The following CLDN10 variants were observed in gnomAD, a reference collection of about 807,000 sequenced individuals.
CLDN10 encodes claudin-10.
In CLDN10, 15 loss-of-function variants were observed where a neutral mutation model predicts 22.9. The ratio of observed to expected loss-of-function variants is 0.65; its 90% CI spans 0.44 to 1.01. The LOEUF (loss-of-function observed/expected upper bound fraction) is 1.01. Among genes scored for constraint, CLDN10 ranks in the 50% least tolerant of loss-of-function variants. CLDN10 has a pLI of 0.00. For synonymous variants in CLDN10, 114 were observed against 111.4 expected (o/e 1.02, Z -0.15); for missense variants, 247 against 287.8 (o/e 0.86, Z 1.03).
intron 1 of CLDN10, 31 bp downstream of exon 1, chr13:95,553,004 C>T (rs374294567): frequency 1.9e-6 from 3 of 1,610,220 alleles, no homozygotes; most frequent in African/African-American, 2.7e-5. Context: ...CGCCCTCAGC[C>T]CTCCTTCCTT....
chr13:95,471,745 C>G (rs1009820435), intron 1 of CLDN10, among the ~76,000 whole-genome samples: 1 of 151,822 alleles, frequency 6.6e-6, no homozygotes, highest in Non-Finnish European at 1.5e-5. Flanking sequence ...AGCCACTGCA[C>G]CTAACCTTTT....
intron 1 of CLDN10, chr13:95,497,236 T>G (rs549884433): frequency 1.7e-4 from 26 of 152,170 alleles, no homozygotes; most frequent in Non-Finnish European, 3.7e-4. Flanking sequence ...GAATGAAACT[T>G]ATTATGTGGC....
intron 1 of CLDN10, among the ~76,000 whole-genome samples, chr13:95,447,077 C>T (rs985201274): frequency 1.1e-4 from 16 of 152,218 alleles, no homozygotes; most frequent in African/African-American, 3.6e-4. Context: ...CTAGTTTATA[C>T]GCACCAAATA....
At chr13:95,436,224 C>T (rs2042270074) in intron 1 of CLDN10, among the ~76,000 whole-genome samples, 1 of 152,080 alleles carries the variant, frequency 6.6e-6, no homozygotes. Flanking sequence ...TGCTTTGTTG[C>T]CAAGGTTGGA....
chr13:95,527,437 A>C (rs887073913), intron 1 of CLDN10, among the ~76,000 whole-genome samples: 3 of 152,200 alleles, frequency 2.0e-5, no homozygotes, highest in Non-Finnish European at 4.4e-5. Context: ...GATATAGAAA[A>C]AACAAAAACA....
intron 1 of CLDN10, among the ~76,000 whole-genome samples, chr13:95,444,268 A>T (rs978525263): frequency 6.6e-6 from 1 of 152,218 alleles, no homozygotes; most frequent in African/African-American, 2.4e-5. Flanking sequence ...TAGGTAATGT[A>T]CATTATAGAA....
intron 1 of CLDN10, among the ~76,000 whole-genome samples, chr13:95,468,219 TTTTGTTTGTTTG>T (rs144985723): frequency 5.3e-5 from 8 of 151,234 alleles, no homozygotes; most frequent in African/African-American, 9.7e-5. Flanking sequence ...TTCTTCCTGT[TTTTGTTTGTTTG>T]TTTGTTTGTT....
At chr13:95,517,042 TTTTC>T (rs1363177442) in intron 1 of CLDN10, among the ~76,000 whole-genome samples, 3 of 149,632 alleles carry the variant, frequency 2.0e-5, no homozygotes, top group Non-Finnish European at 4.4e-5. Flanking sequence ...TCTCTCCCTT[TTTTC>T]TTTCTCTCTC....
chr13:95,469,416 G>A (rs1040104414), intron 1 of CLDN10, among the ~76,000 whole-genome samples: 2 of 152,124 alleles, frequency 1.3e-5, no homozygotes, highest in Non-Finnish European at 2.9e-5. Context: ...GTTATTCAAT[G>A]GGATGAGAGT....
At chr13:95,465,337 G>A (rs2042573338) in intron 1 of CLDN10, among the ~76,000 whole-genome samples, 1 of 152,076 alleles carries the variant, frequency 6.6e-6, no homozygotes, top group African/African-American at 2.4e-5. Flanking sequence ...GATTTGGGTG[G>A]GGACACAGAG....
At chr13:95,448,635 C>T (rs866762129) in intron 1 of CLDN10, among the ~76,000 whole-genome samples, 18 of 152,302 alleles carry the variant, frequency 1.2e-4, no homozygotes, top group Middle Eastern at 3.4e-3. Context: ...TTAGCTCCTG[C>T]CTCCCCAGAT....
At chr13:95,498,388 T>C (rs1307600503) in intron 1 of CLDN10, among the ~76,000 whole-genome samples, 1 of 152,148 alleles carries the variant, frequency 6.6e-6, no homozygotes, top group East Asian at 1.9e-4. Flanking sequence ...ATGGGTGATA[T>C]ACTCTTTTTT....
chr13:95,504,570 G>C (rs1427556720), intron 1 of CLDN10, among the ~76,000 whole-genome samples: 1 of 151,854 alleles, frequency 6.6e-6, no homozygotes, highest in Non-Finnish European at 1.5e-5. Context: ...AGTAGAGACA[G>C]GGTTTCACCA....
chr13:95,467,497 C>T (rs2139096993), intron 1 of CLDN10, among the ~76,000 whole-genome samples: 1 of 150,466 alleles, frequency 6.6e-6, no homozygotes, highest in East Asian at 1.9e-4. Flanking sequence ...ATCTTTTAAT[C>T]TATAAATTAC....
chr13:95,492,132 G>T (rs371237718), intron 1 of CLDN10, among the ~76,000 whole-genome samples: 5 of 152,274 alleles, frequency 3.3e-5, no homozygotes, highest in African/African-American at 1.2e-4. Flanking sequence ...CTATTTTTGT[G>T]CTGGTTGGCC....
At chr13:95,499,775 CCTGA>C in intron 1 of CLDN10, among the ~76,000 whole-genome samples, 2 of 152,234 alleles carry the variant, frequency 1.3e-5, no homozygotes, top group Middle Eastern at 6.8e-3. Context: ...ACAAAGCAAG[CCTGA>C]CACGTTGGGA....
chr13:95,529,212 A>G (rs1225145745), intron 1 of CLDN10, among the ~76,000 whole-genome samples: 1 of 152,178 alleles, frequency 6.6e-6, no homozygotes, highest in African/African-American at 2.4e-5. Flanking sequence ...TAATCAGAAG[A>G]AAATTCAACA....
At chr13:95,440,785 A>G (rs980492304) in intron 1 of CLDN10, among the ~76,000 whole-genome samples, 2 of 152,254 alleles carry the variant, frequency 1.3e-5, no homozygotes, top group African/African-American at 4.8e-5. Context: ...AGGTTGAGCC[A>G]CTGTATAATT....
chr13:95,462,254 T>G (rs1283860753), intron 1 of CLDN10, among the ~76,000 whole-genome samples: 6 of 152,234 alleles, frequency 3.9e-5, no homozygotes. Flanking sequence ...GATGGTCATT[T>G]GTATTTGTAT....
Sources: gnomAD v4.1 joint callset for allele counts (sites outside exome capture counted in the v4.1 genomes callset) on GRCh38, gnomAD v4.1.1 for gene constraint, MANE v1.5 for transcripts, NCBI Gene and HGNC (gene_info 2026-07-23, HGNC 2026-07-21) for gene names.